ZFP82: variants seen among roughly 807,000 people sequenced by gnomAD.
The protein encoded by ZFP82 is ZFP82 zinc finger protein.
A neutral mutation model predicts 54.0 loss-of-function variants in ZFP82; 30 were observed. The observed-to-expected ratio is 0.56, with a 90% CI of 0.42 to 0.75. The LOEUF (loss-of-function observed/expected upper bound fraction) is 0.75. Among genes scored for constraint, ZFP82 ranks in the 30% least tolerant of loss-of-function variants. ZFP82 has a pLI of 0.00. For synonymous variants in ZFP82, 194 were observed against 209.5 expected (o/e 0.93, Z 0.64); for missense variants, 500 against 636.8 (o/e 0.79, Z 2.31).
intron 4 of ZFP82, among the ~76,000 whole-genome samples, chr19:36,399,318 A>T (rs759194443): frequency 3.3e-5 from 5 of 152,234 alleles, no homozygotes; most frequent in Non-Finnish European, 7.3e-5. Context: ...TGCCCCACCA[A>T]GGGTGGTCAT....
chr19:36,407,975 A>G lies in ZFP82; in HGVS notation c.48T>C (p.Ser16=). The G allele has an allele frequency of 6.2e-7, 1 of 1,614,154 alleles. No individual in the cohort carries two copies. The highest frequency in any genetic ancestry group is 1.3e-5 in the African/African-American group (1 of 75,054). The change falls in exon 3 of 5, where the codon TCT becomes TCC. Residue 16 remains serine, a synonymous_variant. Coordinates refer to ENST00000392161, the MANE Select transcript of ZFP82 (RefSeq NM_133466.4). ...AGTCCAGGTATTCCCACTCTTCTGG[A>G]GAGAAGTCTATGGATACATCACTGA... ...VMFSDVSIDF[S]PEEWEYLDLE... is the part of the protein sequence containing the mutation.
chr19:36,402,261 G>A (rs1341668427), intron 4 of ZFP82, among the ~76,000 whole-genome samples: 1 of 152,066 alleles, frequency 6.6e-6, no homozygotes. Flanking sequence ...AAGGTCAGGA[G>A]ATCAAGACCA....
chr19:36,386,801 G>A (rs1019339415), downstream of ZFP82, among the ~76,000 whole-genome samples: 1 of 152,206 alleles, frequency 6.6e-6, no homozygotes, highest in Admixed American at 6.5e-5. Flanking sequence ...GCTGGGCATG[G>A]TGGCAGATGC....
intron 2 of ZFP82, among the ~76,000 whole-genome samples, chr19:36,408,643 C>T (rs12974553): frequency 6.6e-6 from 1 of 151,992 alleles, no homozygotes; most frequent in African/African-American, 2.4e-5. Context: ...AACAGGAGAA[C>T]CCTTGTTTCT....
intron 1 of ZFP82, among the ~76,000 whole-genome samples, chr19:36,412,652 G>A (rs565573306): frequency 6.6e-6 from 1 of 152,274 alleles, no homozygotes; most frequent in East Asian, 1.9e-4. Context: ...TAGCCATGAG[G>A]CCCACCTAGG....
chr19:36,400,159 T>C (rs2032359954), intron 4 of ZFP82, among the ~76,000 whole-genome samples: 1 of 152,214 alleles, frequency 6.6e-6, no homozygotes, highest in African/African-American at 2.4e-5. Context: ...CTGATGAGAA[T>C]GTAGAAAAGT....
At chr19:36,411,514 C>G (rs1020021974) in intron 1 of ZFP82, among the ~76,000 whole-genome samples, 1 of 152,030 alleles carries the variant, frequency 6.6e-6, no homozygotes, top group African/African-American at 2.4e-5. Context: ...AGCATTTAAA[C>G]CACGCATACT....
intron 1 of ZFP82, among the ~76,000 whole-genome samples, chr19:36,415,338 G>A (rs1413152772): frequency 6.6e-6 from 1 of 152,110 alleles, no homozygotes. Context: ...GTAGGGGATG[G>A]AGAAAATCTG....
chr19:36,408,406 C>T (rs1403485852), intron 2 of ZFP82, among the ~76,000 whole-genome samples: 5 of 152,012 alleles, frequency 3.3e-5, no homozygotes, highest in Non-Finnish European at 7.4e-5. Flanking sequence ...TTTTTAAAGT[C>T]TCCCTCCCTA....
chr19:36,400,949 C>A (rs1346245218), intron 4 of ZFP82, among the ~76,000 whole-genome samples: 1 of 152,162 alleles, frequency 6.6e-6, no homozygotes, highest in Non-Finnish European at 1.5e-5. Flanking sequence ...ACAAGCTTAC[C>A]AGGATTCTCC....
intron 1 of ZFP82, among the ~76,000 whole-genome samples, chr19:36,416,435 A>G (rs1184469608): frequency 6.6e-6 from 1 of 152,244 alleles, no homozygotes; most frequent in Non-Finnish European, 1.5e-5. Context: ...AAAGCCTCAA[A>G]TGAATTCAAA....
At chr19:36,386,884 G>A (rs773288535), downstream of ZFP82, among the ~76,000 whole-genome samples, 30 of 152,012 alleles carry the variant, frequency 2.0e-4, no homozygotes, top group Admixed American at 1.3e-3. Context: ...GCAGTGGGCC[G>A]AGATCACGCC....
rs1221582719 is a variant in ZFP82 at position 36,392,259 on chromosome 19, CT to C, written c.*481del. On this transcript the variant is annotated 3_prime_UTR_variant, in exon 5 of 5. Coordinates refer to ENST00000392161, the MANE Select transcript of ZFP82 (RefSeq NM_133466.4). ...AGCCAGACTTTGTAACAAGACAGTTCTGTCATTTCATGAGATGAAGTAACCC... is the reference window on the plus strand; with the variant it reads ...AGCCAGACTTTGTAACAAGACAGTTCGTCATTTCATGAGATGAAGTAACCC... 2 of 154,262 alleles carry C rather than the reference CT, an allele frequency of 1.3e-5. No homozygotes were observed. The highest frequency in any genetic ancestry group is 6.5e-5 in the Admixed American group (1 of 15,454). The allele number at this position is 154,262 out of a possible 1,614,324, so 9.6% of individuals were successfully genotyped here. A position where few individuals can be genotyped will look rare whatever the true frequency, so the allele number is the denominator to read the frequency against.
intron 1 of ZFP82, among the ~76,000 whole-genome samples, chr19:36,412,701 A>G (rs1656917190): frequency 6.6e-6 from 1 of 152,218 alleles, no homozygotes; most frequent in South Asian, 2.1e-4. Flanking sequence ...TTGCATCAAC[A>G]TCATGAAAAT....
intron 3 of ZFP82, among the ~76,000 whole-genome samples, chr19:36,407,077 T>A (rs2032494895): frequency 7.1e-6 from 1 of 141,410 alleles, no homozygotes; most frequent in Non-Finnish European, 1.5e-5. Flanking sequence ...TAATTTTCTT[T>A]TTTTTTTTTT....
chr19:36,405,426 G>A (rs1410101780), intron 4 of ZFP82, among the ~76,000 whole-genome samples, 154 bp downstream of exon 4: 1 of 150,862 alleles, frequency 6.6e-6, no homozygotes, highest in African/African-American at 2.4e-5. Context: ...TTCCTCCTTG[G>A]GCCACAGACC....
intron 1 of ZFP82, among the ~76,000 whole-genome samples, chr19:36,415,698 T>C (rs956284269): frequency 6.6e-6 from 1 of 152,218 alleles, no homozygotes; most frequent in African/African-American, 2.4e-5. Flanking sequence ...TTAAACTATT[T>C]TCATACACAT....
At chr19:36,414,228 T>C (rs2032629902) in intron 1 of ZFP82, among the ~76,000 whole-genome samples, 1 of 152,092 alleles carries the variant, frequency 6.6e-6, no homozygotes, top group Non-Finnish European at 1.5e-5. Context: ...AAATTTGGTA[T>C]TTGCTGATAA....
In ZFP82 at chr19:36,391,978, A is replaced by G. The variant is rs2032207066; in HGVS notation, c.*763T>C. On this transcript the variant is annotated 3_prime_UTR_variant, in exon 5 of 5. Transcript: ENST00000392161. ...AGTTTAGTGGCTTAAAACAACAACC[A>G]TTTTATTATATCTCATGTTTTTGTG... 1 of 148,948 alleles carries G rather than the reference A, an allele frequency of 6.7e-6. No individual in the cohort carries two copies. Among genetic ancestry groups the G allele is most frequent in the African/African-American group, 2.5e-5 (1 of 39,886 alleles). 9.2% of individuals were successfully genotyped at this position (148,948 alleles called of 1,614,324 possible).
Sources: gnomAD v4.1 joint callset for allele counts (sites outside exome capture counted in the v4.1 genomes callset) on GRCh38, gnomAD v4.1.1 for gene constraint, MANE v1.5 for transcripts, NCBI Gene and HGNC (gene_info 2026-07-23, HGNC 2026-07-21) for gene names.